Variants in RANBP9 observed in about 807,000 individuals in gnomAD.
RANBP9 encodes ran-binding protein 9.
A neutral mutation model predicts 84.3 loss-of-function variants in RANBP9; 15 were observed. The observed-to-expected ratio is 0.18, with a 90% CI of 0.12 to 0.27. The LOEUF (loss-of-function observed/expected upper bound fraction) is 0.27, where lower values mean the gene tolerates loss of function less well. RANBP9 is among the 10% of genes least tolerant of loss of function. RANBP9 has a pLI of 1.00. For synonymous variants in RANBP9, 392 were observed against 349.6 expected, an observed-to-expected ratio of 1.12 and a Z score of -1.35; for missense variants, 809 against 912.8, an observed-to-expected ratio of 0.89 and a Z score of 1.46.
intron 10 of RANBP9, among the ~76,000 whole-genome samples, chr6:13,635,750 TTAAGAA>T (rs762372506): frequency 2.6e-5 from 4 of 151,906 alleles, no homozygotes; most frequent in Non-Finnish European, 5.9e-5. Flanking sequence ...AAACCAAACT[TTAAGAA>T]TAAGAAAATC....
chr6:13,707,875 T>C (rs181908054), intron 1 of RANBP9, among the ~76,000 whole-genome samples: 1,884 of 152,354 alleles, frequency 0.012, 24 homozygotes, highest in Non-Finnish European at 0.018. Context: ...GTCACATTTG[T>C]ACTTATTCAA....
chr6:13,679,198 A>G (rs1156386121), intron 2 of RANBP9, among the ~76,000 whole-genome samples: 1 of 152,212 alleles, frequency 6.6e-6, no homozygotes, highest in Non-Finnish European at 1.5e-5. Flanking sequence ...TGCCTTCGGA[A>G]AGTTCACAAT....
intron 1 of RANBP9, among the ~76,000 whole-genome samples, chr6:13,704,920 C>T (rs1427299099): frequency 6.6e-6 from 1 of 152,146 alleles, no homozygotes; most frequent in African/African-American, 2.4e-5. Flanking sequence ...CTATTTTCCA[C>T]AGTACTCTCT....
chr6:13,663,192 A>T (rs1000201671), intron 2 of RANBP9, among the ~76,000 whole-genome samples: 2 of 152,118 alleles, frequency 1.3e-5, no homozygotes, highest in African/African-American at 4.8e-5. Context: ...ACGACATATT[A>T]CTTTCACAGG....
chr6:13,697,893 A>C lies in RANBP9; in HGVS notation c.572-997T>G, dbSNP rs146198591. Reference sequence around the variant, plus strand: ...CTCCACGCAATACAAACTTCGCATTAATCTTTCAGTCATACTATAAAATTA... The same window carrying C: ...CTCCACGCAATACAAACTTCGCATTCATCTTTCAGTCATACTATAAAATTA... On this transcript the variant is annotated intron_variant, in intron 1 of 13. Coordinates refer to ENST00000011619, the MANE Select transcript of RANBP9 (RefSeq NM_005493.3). Among the ~76,000 whole-genome samples the C allele has an allele frequency of 6.1e-3, 922 of 152,318 alleles. 13 individuals carry two copies. The highest frequency in any genetic ancestry group is 0.021 in the African/African-American group (867 of 41,574).
chr6:13,683,775 T>TG (rs1466298283), intron 2 of RANBP9, among the ~76,000 whole-genome samples: 4 of 151,806 alleles, frequency 2.6e-5, no homozygotes, highest in Non-Finnish European at 4.4e-5. Context: ...AAAAATTTCT[T>TG]GGGAAAAAAA....
chr6:13,648,275 G>A (rs1448188154), intron 5 of RANBP9, among the ~76,000 whole-genome samples: 9 of 147,492 alleles, frequency 6.1e-5, no homozygotes, highest in African/African-American at 1.5e-4. Context: ...TCAGCCTCCC[G>A]AGTATGGGAC....
At chr6:13,634,381 C>A in intron 11 of RANBP9, 50 bp downstream of exon 11, 1 of 1,591,344 alleles carries the variant, frequency 6.3e-7, no homozygotes, top group African/African-American at 1.3e-5. Flanking sequence ...AAAAACATAA[C>A]CTTGTAGCCA....
intron 2 of RANBP9, among the ~76,000 whole-genome samples, chr6:13,661,302 T>C (rs1765533939): frequency 6.6e-6 from 1 of 152,120 alleles, no homozygotes; most frequent in Non-Finnish European, 1.5e-5. Context: ...GAAACTCTAA[T>C]ACAAACCTAG....
intron 2 of RANBP9, among the ~76,000 whole-genome samples, chr6:13,663,018 T>C (rs771290083): frequency 1.3e-5 from 2 of 151,872 alleles, no homozygotes; most frequent in Non-Finnish European, 2.9e-5. Flanking sequence ...GAAAAGAAAT[T>C]GAAAATAATT....
At chr6:13,641,021 T>C (rs957043770) in intron 8 of RANBP9, among the ~76,000 whole-genome samples, 178 bp downstream of exon 8, 2 of 152,154 alleles carry the variant, frequency 1.3e-5, no homozygotes, top group African/African-American at 2.4e-5. Flanking sequence ...CTTCTGCTTA[T>C]GGTCCTTAAC....
chr6:13,695,250 A>C (rs960896061), intron 2 of RANBP9, among the ~76,000 whole-genome samples: 9 of 152,190 alleles, frequency 5.9e-5, no homozygotes, highest in African/African-American at 2.2e-4. Context: ...CAAAACAGGC[A>C]GCAACTGGAG....
At chr6:13,705,106 A>G (rs1449850765) in intron 1 of RANBP9, among the ~76,000 whole-genome samples, 1 of 152,200 alleles carries the variant, frequency 6.6e-6, no homozygotes, top group Non-Finnish European at 1.5e-5. Context: ...CTAGTCTAGC[A>G]GAATATATAT....
At chr6:13,710,506 C>A (rs995012922) in intron 1 of RANBP9, among the ~76,000 whole-genome samples, 1 of 152,132 alleles carries the variant, frequency 6.6e-6, no homozygotes, top group Non-Finnish European at 1.5e-5. Flanking sequence ...ACCTCAGAAT[C>A]GTGCCTCTCT....
intron 1 of RANBP9, 112 bp downstream of exon 1, chr6:13,710,823 C>T: frequency 1.6e-6 from 2 of 1,234,440 alleles, no homozygotes; most frequent in Non-Finnish European, 2.2e-6. Flanking sequence ...GAGTGGCCTC[C>T]GAGGGCAGAG....
At chr6:13,679,364 A>G (rs1221553690) in intron 2 of RANBP9, among the ~76,000 whole-genome samples, 1 of 152,202 alleles carries the variant, frequency 6.6e-6, no homozygotes, top group East Asian at 1.9e-4. Flanking sequence ...CTGCCTTTTA[A>G]TAATTAAGAC....
At chr6:13,703,210 T>A (rs1435258716) in intron 1 of RANBP9, among the ~76,000 whole-genome samples, 1 of 152,232 alleles carries the variant, frequency 6.6e-6, no homozygotes, top group Non-Finnish European at 1.5e-5. Flanking sequence ...ATCTCCTTGA[T>A]GTCTGGGGAC....
chr6:13,689,691 CA>C (rs1766279733), intron 2 of RANBP9, among the ~76,000 whole-genome samples: 1 of 152,110 alleles, frequency 6.6e-6, no homozygotes, highest in Non-Finnish European at 1.5e-5. Context: ...GGCCATTTAC[CA>C]TAGTCTGGAA....
At chr6:13,688,194 G>C (rs1432282371) in intron 2 of RANBP9, among the ~76,000 whole-genome samples, 1 of 152,176 alleles carries the variant, frequency 6.6e-6, no homozygotes, top group Non-Finnish European at 1.5e-5. Context: ...CACAGAACCA[G>C]TTAAGTAGCA....
Sources: gnomAD v4.1 joint callset for allele counts (sites outside exome capture counted in the v4.1 genomes callset) on GRCh38, gnomAD v4.1.1 for gene constraint, MANE v1.5 for transcripts, NCBI Gene and HGNC (gene_info 2026-07-23, HGNC 2026-07-21) for gene names.